Variants in PDZD11 observed in about 807,000 individuals in gnomAD.
PDZD11 encodes PDZ domain containing 11, also known as PDZ domain-containing protein 11.
Under a neutral mutation model 13.7 loss-of-function variants are expected in PDZD11, and 2 were observed. That is an observed-to-expected ratio of 0.15 (90% CI 0.06 to 0.46). The LOEUF (loss-of-function observed/expected upper bound fraction) is 0.46. PDZD11 is among the 20% of genes least tolerant of loss of function. PDZD11 has a pLI of 0.98. For missense variants in PDZD11, 44 were observed against 111.7 expected (o/e 0.39, Z 2.73); for synonymous variants, 32 against 37.5 (o/e 0.85, Z 0.54).
chrX:70,287,628 C>T, intron 5 of PDZD11, 104 bp downstream of exon 5: 1 of 636,153 alleles, frequency 1.6e-6, no homozygotes, highest in Non-Finnish European at 2.5e-6. Context: ...CCACAGTGCC[C>T]AGCAAAATGC....
rs1287373855 is a variant in PDZD11 at position 70,287,714 on chromosome X, C to T, written c.327+18G>A. 3.5e-6 allele frequency: 4 copies of T among 1,152,665 alleles called. No individual in the cohort carries two copies. Among genetic ancestry groups the T allele is most frequent in the Non-Finnish European group, 4.7e-6 (4 of 843,435 alleles). 95.0% of individuals were successfully genotyped at this position (1,152,665 alleles called of 1,213,427 possible). ...GAGATGGCTTCTTGCAGCACCACAG[C>T]CCAAGTACTGTGCTCACCTTGCTGT... is the stretch of plus-strand genomic sequence containing the variant. On this transcript the variant is annotated intron_variant, in intron 5 of 6. Transcript: ENST00000239666.
At chrX:70,288,705 CT>C (rs67327803) in intron 2 of PDZD11, among the ~76,000 whole-genome samples, 192 bp from the exon 3 acceptor site, 18,764 of 92,600 alleles carry the variant, frequency 0.2, 2,377 homozygotes, top group African/African-American at 0.43. Flanking sequence ...ATTTCTTCAC[CT>C]TTTTTTTTTT....
intron 5 of PDZD11, 131 bp downstream of exon 5, chrX:70,287,601 G>A: frequency 1.9e-6 from 1 of 536,015 alleles, no homozygotes; most frequent in Non-Finnish European, 3.1e-6. Context: ...CTAAGTAGCT[G>A]GGATTACAGG....
chrX:70,289,365 G>A lies in PDZD11; in HGVS notation c.-13-11C>T. The A allele has an allele frequency of 8.3e-7, 1 of 1,199,229 alleles. No individual in the cohort carries two copies. Among genetic ancestry groups the A allele is most frequent in the South Asian group, 1.8e-5 (1 of 54,843 alleles). On this transcript the variant is annotated splice_polypyrimidine_tract_variant and intron_variant, in intron 1 of 6. Coordinates refer to ENST00000239666, the MANE Select transcript of PDZD11 (RefSeq NM_016484.5). ...ATCTCGGGCAAGGCCCTGGAAGAGT[G>A]AATCAGAACAGACAAAAAGTGGTTC...
intron 2 of PDZD11, among the ~76,000 whole-genome samples, chrX:70,288,952 T>C (rs774831879): frequency 1.8e-5 from 2 of 111,440 alleles, no homozygotes; most frequent in South Asian, 7.7e-4. Context: ...GATCCGCCTG[T>C]TTCGGCCTCC....
Position 70,287,086 on chromosome X carries a change from T to C in PDZD11, c.419A>G (p.His140Arg). Residue 140 changes from histidine to arginine, a missense_variant, in exon 7 of 7, where the codon CAC becomes CGC. Transcript: ENST00000239666. ...NYHRQKERTV[H>R] ...AGGGCTGTGGGCTGCAACTTTCTAGTGCACAGTCCTCTCTTTTTGGCGATG... is the reference window on the plus strand; with the variant it reads ...AGGGCTGTGGGCTGCAACTTTCTAGCGCACAGTCCTCTCTTTTTGGCGATG... 1 of 1,196,436 alleles carries C rather than the reference T, an allele frequency of 8.4e-7. No individual in the cohort carries two copies. Among genetic ancestry groups the C allele is most frequent in the South Asian group, 1.8e-5 (1 of 54,548 alleles).
In PDZD11 at chrX:70,289,239, T is replaced by C; in HGVS notation, c.87+16A>G. 8.4e-7 allele frequency: 1 copy of C among 1,189,467 alleles called. No individual in the cohort carries two copies. The highest frequency in any genetic ancestry group is 1.1e-6 in the Non-Finnish European group (1 of 879,697). On this transcript the variant is annotated intron_variant, in intron 2 of 6. Transcript: ENST00000239666. ...GGGAAAAAAATCTCCTACTCAGGAATACAGATGGTTCCCACCTCATGAGGA... is the reference window on the plus strand; with the variant it reads ...GGGAAAAAAATCTCCTACTCAGGAACACAGATGGTTCCCACCTCATGAGGA...
intron 2 of PDZD11, among the ~76,000 whole-genome samples, 198 bp downstream of exon 2, chrX:70,289,057 C>G (rs960611907): frequency 4.5e-5 from 5 of 111,336 alleles, no homozygotes; most frequent in Non-Finnish European, 9.4e-5. Context: ...CCGGTGTGAA[C>G]AGACCCTAGC....
At chrX:70,288,403 G>C (rs749273615) in intron 3 of PDZD11, 27 bp downstream of exon 3, 1 of 1,172,628 alleles carries the variant, frequency 8.5e-7, no homozygotes, top group Non-Finnish European at 1.2e-6. Flanking sequence ...GATGAATCTA[G>C]CCTGAAATAA....
At chrX:70,289,212 C>T (rs1022230684) in intron 2 of PDZD11, 43 bp downstream of exon 2, 3 of 1,092,864 alleles carry the variant, frequency 2.7e-6, no homozygotes, top group African/African-American at 1.8e-5. Context: ...CTCATGCCCA[C>T]GGGGAAAAAA....
Position 70,287,752 on chromosome X carries a change from G to C in PDZD11, c.307C>G (p.Gln103Glu). 4 of 1,207,465 alleles carry C rather than the reference G, an allele frequency of 3.3e-6. No individual in the cohort carries two copies. Among genetic ancestry groups the C allele is most frequent in the Non-Finnish European group, 4.5e-6 (4 of 891,685 alleles). The change falls in exon 5 of 7, where the codon CAA becomes GAA. Residue 103 changes from glutamine to glutamate, a missense_variant. By Grantham distance (29) the Gln-to-Glu change is conservative (BLOSUM62 2). Transcript: ENST00000239666. ...CTCACCTTGCTGTGCTCAATATCTT[G>C]GAAATCCACATCATTCACAGCTAGA... ...QVLAVNDVDF[Q>E]DIEHSKAVEI... is the part of the protein sequence containing the mutation.
At chrX:70,289,160 G>T in intron 2 of PDZD11, 95 bp downstream of exon 2, 1 of 685,952 alleles carries the variant, frequency 1.5e-6, no homozygotes, top group Non-Finnish European at 2.2e-6. Flanking sequence ...TTCACTCTCC[G>T]TTTCGCCTTC....
At chrX:70,288,263 G>GT in intron 3 of PDZD11, 90 bp from the exon 4 acceptor site, 2 of 898,670 alleles carry the variant, frequency 2.2e-6, no homozygotes, top group Non-Finnish European at 3.2e-6. Context: ...CTCAGCTTGT[G>GT]TGTCCCTGAG....
intron 2 of PDZD11, 72 bp downstream of exon 2, chrX:70,289,183 C>T: frequency 8.0e-6 from 7 of 872,553 alleles, no homozygotes; most frequent in South Asian, 2.4e-5. Context: ...ACCCTGCTAT[C>T]CTACCTTTCA....
At position 70,288,346 on chromosome X, in the gene PDZD11, C is replaced by T. The variant is rs1275542157; in HGVS notation, c.171+84G>A. On this transcript the variant is annotated intron_variant, in intron 3 of 6. Coordinates refer to ENST00000239666, the MANE Select transcript of PDZD11 (RefSeq NM_016484.5). ...AAGAAGGAAAGTTTCCTCACATCTG[C>T]ACCTGCTTTCCAATCCATCCCCCCA... is the stretch of plus-strand genomic sequence containing the variant. 3.2e-6 allele frequency: 3 copies of T among 939,634 alleles called. No homozygotes were observed. The African/African-American group carries it at 5.8e-5, about 18-fold the overall frequency. The allele number at this position is 939,634 out of a possible 1,213,427, so 77.4% of individuals were successfully genotyped here. A position where few individuals can be genotyped will look rare whatever the true frequency, so the allele number is the denominator to read the frequency against.
rs1022442278 is a variant in PDZD11 at position 70,289,465 on chromosome X, C to T, written c.-13-111G>A. On this transcript the variant is annotated intron_variant, in intron 1 of 6. Coordinates refer to ENST00000239666, the MANE Select transcript of PDZD11 (RefSeq NM_016484.5). Reference sequence around the variant, plus strand: ...CAAGGCAGTCAGTCTACAGGCCCAGCCCATATCTAGGTGTTAAGGTTGGAG... The same window carrying T: ...CAAGGCAGTCAGTCTACAGGCCCAGTCCATATCTAGGTGTTAAGGTTGGAG... 128 of 1,118,346 alleles carry T rather than the reference C, an allele frequency of 1.1e-4. No homozygotes were observed. The East Asian group carries it at 4.2e-3, about 37-fold the overall frequency. 92.2% of individuals were successfully genotyped at this position (1,118,346 alleles called of 1,213,427 possible).
At chrX:70,288,705 CTT>C (rs67327803) in intron 2 of PDZD11, among the ~76,000 whole-genome samples, 192 bp from the exon 3 acceptor site, 54 of 92,737 alleles carry the variant, frequency 5.8e-4, no homozygotes, top group African/African-American at 1.3e-3. Flanking sequence ...ATTTCTTCAC[CTT>C]TTTTTTTTTT....
At chrX:70,289,764 A>C in intron 1 of PDZD11, 96 bp downstream of exon 1, 1 of 131,202 alleles carries the variant, frequency 7.6e-6, no homozygotes, top group Non-Finnish European at 1.5e-5. Flanking sequence ...CCTTAGATCG[A>C]CCCTTCCTTC....
At chrX:70,287,465 G>A in intron 5 of PDZD11, 129 bp from the exon 6 acceptor site, 1 of 555,134 alleles carries the variant, frequency 1.8e-6, no homozygotes, top group Middle Eastern at 5.0e-4. Flanking sequence ...TACTTTCCCA[G>A]GAGAGGTGCT....
Sources: gnomAD v4.1 joint callset for allele counts (sites outside exome capture counted in the v4.1 genomes callset) on GRCh38, gnomAD v4.1.1 for gene constraint, MANE v1.5 for transcripts, NCBI Gene and HGNC (gene_info 2026-07-23, HGNC 2026-07-21) for gene names.